The following MTUS2 variants were observed in gnomAD, a reference collection of about 807,000 sequenced individuals.
MTUS2 encodes microtubule associated scaffold protein 2.
In MTUS2, 40 loss-of-function variants were observed where a neutral mutation model predicts 114.1. The observed-to-expected ratio is 0.35, with a 90% confidence interval of 0.27 to 0.46. The LOEUF is 0.46. MTUS2 is among the 20% of genes least tolerant of loss of function. The probability of loss-of-function intolerance (pLI) is 1.00; values close to 1 mark genes in which losing one functional copy is unlikely to be tolerated. For missense variants in MTUS2, 1,679 were observed against 1,705.4 expected (o/e 0.98, Z 0.27); for synonymous variants, 688 against 672.0 (o/e 1.02, Z -0.37).
chr13:29,154,158 T>TA (rs1231055848), intron 5 of MTUS2, among the ~76,000 whole-genome samples: 1 of 152,212 alleles, frequency 6.6e-6, no homozygotes, highest in Non-Finnish European at 1.5e-5. Flanking sequence ...AGCAAAATGT[T>TA]ACTACATTTC....
intron 2 of MTUS2, among the ~76,000 whole-genome samples, chr13:28,871,888 G>A (rs1284157939): frequency 6.6e-6 from 1 of 152,146 alleles, no homozygotes; most frequent in African/African-American, 2.4e-5. Context: ...AAAAGCAAGT[G>A]CAAAGGCCCG....
chr13:29,485,720 C>A (rs1045484303), intron 10 of MTUS2, among the ~76,000 whole-genome samples: 13 of 152,354 alleles, frequency 8.5e-5, no homozygotes, highest in African/African-American at 3.1e-4. Context: ...ATGCCACAAA[C>A]ACAGTGTAGT....
At chr13:28,894,305 G>A (rs58220866) in intron 2 of MTUS2, among the ~76,000 whole-genome samples, 23 of 5,278 alleles carry the variant, frequency 4.4e-3, no homozygotes, top group South Asian at 9.4e-3. Context: ...AGAGAGAGAG[G>A]GGGGGGGGGA....
At chr13:29,469,637 A>AAAG (rs1555282876) in intron 9 of MTUS2, among the ~76,000 whole-genome samples, 8 of 146,698 alleles carry the variant, frequency 5.5e-5, no homozygotes, top group African/African-American at 2.1e-4. Flanking sequence ...AAAAAAAAAA[A>AAAG]AAAGAAAGAA....
intron 8 of MTUS2, among the ~76,000 whole-genome samples, chr13:29,391,678 A>T (rs76306812): frequency 0.039 from 5,863 of 151,598 alleles, 397 homozygotes; most frequent in African/African-American, 0.14. Flanking sequence ...GGCAAAATAT[A>T]AATATAGTAA....
chr13:29,001,975 GA>G (rs1885405209), intron 2 of MTUS2, among the ~76,000 whole-genome samples: 2 of 152,200 alleles, frequency 1.3e-5, no homozygotes, highest in Non-Finnish European at 2.9e-5. Context: ...CTTTTTGATG[GA>G]AGAGGTATGG....
intron 5 of MTUS2, among the ~76,000 whole-genome samples, chr13:29,109,927 C>T (rs1224806639): frequency 6.6e-6 from 1 of 152,184 alleles, no homozygotes; most frequent in African/African-American, 2.4e-5. Flanking sequence ...GAATAACCTT[C>T]TGAGTGAGTG....
Position 28,991,639 on chromosome 13 carries a change from A to G in MTUS2, c.-242-32818A>G, listed in dbSNP as rs1370603281. 2.0e-5 allele frequency among the ~76,000 whole-genome samples: 3 copies of G among 152,284 alleles called. No individual in the cohort carries two copies. In the East Asian group the frequency reaches 5.8e-4, roughly 29 times the overall value. ...TGTCTCGGCCTCCCAAAGTGCTGGG[A>G]TTACAGGCGTGAGCCACCGCGCCCG... On this transcript the variant is annotated intron_variant, in intron 2 of 15. Transcript: ENST00000612955.
At chr13:29,062,357 G>C (rs911966173) in intron 4 of MTUS2, among the ~76,000 whole-genome samples, 3 of 152,214 alleles carry the variant, frequency 2.0e-5, no homozygotes, top group Non-Finnish European at 2.9e-5. Context: ...ATACTCACCA[G>C]GTTAGGATTC....
At chr13:29,123,705 TCAAAA>T (rs1419434237) in intron 5 of MTUS2, among the ~76,000 whole-genome samples, 3 of 151,962 alleles carry the variant, frequency 2.0e-5, no homozygotes, top group Non-Finnish European at 4.4e-5. Context: ...GAGAGTCGTC[TCAAAA>T]CAAACACACA....
intron 5 of MTUS2, among the ~76,000 whole-genome samples, chr13:29,149,346 T>A (rs190848381): frequency 1.3e-5 from 2 of 152,354 alleles, no homozygotes; most frequent in East Asian, 3.9e-4. Flanking sequence ...TCTGTTCATG[T>A]CCTTTGCCCA....
intron 5 of MTUS2, among the ~76,000 whole-genome samples, chr13:29,263,015 A>G (rs1387349922): frequency 6.6e-6 from 1 of 152,192 alleles, no homozygotes; most frequent in East Asian, 1.9e-4. Context: ...AAGTCTAATG[A>G]CGGAAGGTAA....
chr13:29,009,102 TA>T (rs1438004684), intron 2 of MTUS2, among the ~76,000 whole-genome samples: 3 of 152,016 alleles, frequency 2.0e-5, no homozygotes, highest in Non-Finnish European at 4.4e-5. Flanking sequence ...TTAATTGTCA[TA>T]TTTTTTATTT....
rs201420154 is a variant in MTUS2 at position 29,024,704 on chromosome 13, C to T, written c.6C>T (p.Ser2=). The T allele has an allele frequency of 1.4e-5, 23 of 1,613,294 alleles. No individual in the cohort carries two copies. In the Middle Eastern group the frequency reaches 5.0e-4, roughly 35 times the overall value. M[S]VPVAPKKSCY... ...GCCCCACCAAAGGGTTGACAATGAG[C>T]GTCCCAGTGGCTCCTAAGAAATCAT... The change falls in exon 3 of 16, where the codon AGC becomes AGT. Residue 2 remains serine (S), a synonymous_variant. Transcript: ENST00000612955.
chr13:29,024,995 A>G lies in MTUS2; in HGVS notation c.297A>G (p.Arg99=). The G allele has an allele frequency of 1.2e-6, 2 of 1,613,568 alleles. No homozygotes were observed. The highest frequency in any genetic ancestry group is 1.7e-6 in the Non-Finnish European group (2 of 1,179,828). The change falls in exon 3 of 16, where the codon AGA becomes AGG. Residue 99 remains arginine, a synonymous_variant. Coordinates refer to ENST00000612955, the MANE Select transcript of MTUS2 (RefSeq NM_001033602.4). The part of the protein sequence containing the change: ...QAGSASLKDF[R]LSSTIQRELN... ...GCTCTGCCAGCCTGAAAGATTTTAG[A>G]CTTTCTTCAACCATTCAGAGGGAAC...
chr13:28,824,554 C>G (rs1018482163), intron 1 of MTUS2, among the ~76,000 whole-genome samples: 3 of 152,290 alleles, frequency 2.0e-5, no homozygotes, highest in African/African-American at 7.2e-5. Context: ...TTTAAAACAC[C>G]CAGTCACCTC....
chr13:29,004,604 G>T (rs1194031729), intron 2 of MTUS2, among the ~76,000 whole-genome samples: 2 of 152,226 alleles, frequency 1.3e-5, no homozygotes, highest in Admixed American at 6.5e-5. Flanking sequence ...CAGACTATGT[G>T]TATCATCAGA....
intron 5 of MTUS2, among the ~76,000 whole-genome samples, chr13:29,194,510 G>A (rs1443529145): frequency 6.6e-6 from 1 of 152,128 alleles, no homozygotes; most frequent in African/African-American, 2.4e-5. Flanking sequence ...ACCATCACTG[G>A]CCATCAGAGA....
intron 2 of MTUS2, among the ~76,000 whole-genome samples, chr13:29,021,286 T>C (rs549683736): frequency 6.6e-6 from 1 of 152,332 alleles, no homozygotes; most frequent in African/African-American, 2.4e-5. Flanking sequence ...AACAAATTTG[T>C]ATAATGGCTG....
Sources: allele counts gnomAD v4.1 joint callset (sites outside exome capture counted in the v4.1 genomes callset), GRCh38; gene constraint gnomAD v4.1.1; transcripts MANE v1.5; gene names NCBI Gene and HGNC (gene_info 2026-07-23, HGNC 2026-07-21).